Variants in ESYT1 observed in about 807,000 individuals in gnomAD.
The protein encoded by ESYT1 is extended synaptotagmin-1.
Under a neutral mutation model 154.2 loss-of-function variants are expected in ESYT1, and 116 were observed. The observed-to-expected ratio is 0.75, with a 90% CI of 0.65 to 0.88. The LOEUF (loss-of-function observed/expected upper bound fraction) is 0.88, where lower values mean the gene tolerates loss of function less well. ESYT1 is among the 40% of genes least tolerant of loss of function. The pLI, the probability that ESYT1 is intolerant of heterozygous loss-of-function variation, is 0.00. For synonymous variants in ESYT1, 500 were observed against 539.9 expected (o/e 0.93, Z 1.02); for missense variants, 1,264 against 1,379.3 (o/e 0.92, Z 1.32).
chr12:56,137,990 C>T (rs1024836792), intron 19 of ESYT1, 36 bp from the exon 20 acceptor site: 6 of 1,613,782 alleles, frequency 3.7e-6, no homozygotes, highest in South Asian at 1.1e-5. Flanking sequence ...TTGGTTCTCA[C>T]CATCTAGCTT....
At chr12:56,136,590 CAAAA>C (rs944160332) in intron 15 of ESYT1, among the ~76,000 whole-genome samples, 150 bp from the exon 16 acceptor site, 1 of 58,208 alleles carries the variant, frequency 1.7e-5, no homozygotes, top group African/African-American at 6.1e-5. Context: ...GACTCTGTCT[CAAAA>C]AAAAAAAAAA....
Position 56,137,920 on chromosome 12 carries a change from A to T in ESYT1, c.2198+6A>T, listed in dbSNP as rs1870530088. ...AAGGATGATTTTCTGGGCAGGTGAG[A>T]GCATAGGAGTCTACGTGAAAAACAG... On this transcript the variant is annotated splice_donor_region_variant and intron_variant, in intron 19 of 30. Coordinates refer to ENST00000394048, the MANE Select transcript of ESYT1 (RefSeq NM_015292.3). The T allele has an allele frequency of 1.2e-6, 2 of 1,614,148 alleles. No homozygotes were observed. Among genetic ancestry groups the T allele is most frequent in the Non-Finnish European group, 1.7e-6 (2 of 1,180,002 alleles).
intron 1 of ESYT1, chr12:56,130,226 T>G: frequency 2.7e-6 from 1 of 368,286 alleles, no homozygotes; most frequent in South Asian, 3.1e-5. Context: ...CCAGGACTTT[T>G]TAAATCCCAG....
chr12:56,132,366 C>T, intron 8 of ESYT1, 34 bp downstream of exon 8: 1 of 1,614,098 alleles, frequency 6.2e-7, no homozygotes, highest in South Asian at 1.1e-5. Context: ...AGATCCTTCT[C>T]TCAGGAACCC....
chr12:56,144,051 A>G lies in ESYT1; in HGVS notation c.*189A>G. On this transcript the variant is annotated 3_prime_UTR_variant, in exon 31 of 31. Coordinates refer to ENST00000394048, the MANE Select transcript of ESYT1 (RefSeq NM_015292.3). ...AAGAACCGTATGTTCCCTTTACTGC[A>G]CGGCCTTTATCCTTCTGGGCCCCTG... 6.9e-7 allele frequency: 1 copy of G among 1,448,486 alleles called. No homozygotes were observed. The highest frequency in any genetic ancestry group is 1.4e-5 in the South Asian group (1 of 69,714). The allele number at this position is 1,448,486 out of a possible 1,614,324, so 89.7% of individuals were successfully genotyped here. A position where few individuals can be genotyped will look rare whatever the true frequency, so the allele number is the denominator to read the frequency against.
intron 24 of ESYT1, 80 bp downstream of exon 24, chr12:56,139,093 A>C: frequency 6.8e-6 from 7 of 1,026,726 alleles, no homozygotes; most frequent in Non-Finnish European, 1.1e-5. Flanking sequence ...GCATTCAGAG[A>C]TGAGATAAAA....
Position 56,138,948 on chromosome 12 carries a change from CCT to C in ESYT1, c.2528_2529del (p.Pro843ArgfsTer4), listed in dbSNP as rs1870578924. On this transcript the variant is annotated frameshift_variant, in exon 24 of 31. Transcript: ENST00000394048. LOFTEE classifies it high-confidence loss of function. Reference sequence around the variant, plus strand: ...CCAGACTATTTCGCAAACTTCAGCCCCTGTCTGGGATGAGAGTGCCTCCTTTC... The same window carrying C: ...CCAGACTATTTCGCAAACTTCAGCCCGTCTGGGATGAGAGTGCCTCCTTTC... ...KTKTISQTSA[P>X]VWDESASFLI... is the part of the protein sequence containing the mutation. 3.7e-6 allele frequency: 6 copies of C among 1,614,000 alleles called. No homozygotes were observed. The highest frequency in any genetic ancestry group is 1.1e-5 in the South Asian group (1 of 91,080).
intron 15 of ESYT1, among the ~76,000 whole-genome samples, chr12:56,135,177 T>TC (rs1244941137): frequency 1.3e-5 from 2 of 148,418 alleles, no homozygotes; most frequent in Admixed American, 6.7e-5. Context: ...CATTCAGCAT[T>TC]TTTTTTTTTT....
intron 24 of ESYT1, among the ~76,000 whole-genome samples, chr12:56,139,269 T>C (rs1457165901): frequency 2.0e-5 from 3 of 151,676 alleles, no homozygotes; most frequent in African/African-American, 7.3e-5. Context: ...CCACCACACC[T>C]GGCTAATTTT....
Position 56,132,267 on chromosome 12 carries a change from C to A in ESYT1, c.919C>A (p.Arg307=), listed in dbSNP as rs371175693. Residue 307 remains arginine, a synonymous_variant, in exon 8 of 31, where the codon CGA becomes AGA. Transcript: ENST00000394048. Reference sequence around the variant, plus strand: ...TGCTGCCTTCCTCGTGTTGCCCAACCGATTACTGGTGCCCCTTGTGCCTGA... The same window carrying A: ...TGCTGCCTTCCTCGTGTTGCCCAACAGATTACTGGTGCCCCTTGTGCCTGA... The part of the protein sequence containing the change: ...SIAAFLVLPN[R]LLVPLVPDLQ... 12 of 1,613,996 alleles carry A rather than the reference C, an allele frequency of 7.4e-6. No individual in the cohort carries two copies. The highest frequency in any genetic ancestry group is 1.0e-5 in the Non-Finnish European group (12 of 1,180,046).
chr12:56,141,084 T>C (rs1406104982), intron 24 of ESYT1, among the ~76,000 whole-genome samples: 1 of 152,152 alleles, frequency 6.6e-6, no homozygotes, highest in African/African-American at 2.4e-5. Context: ...CAACCACTCA[T>C]AAGTGTAGTC....
intron 24 of ESYT1, among the ~76,000 whole-genome samples, chr12:56,141,463 G>A (rs1056538583): frequency 6.6e-6 from 1 of 152,220 alleles, no homozygotes; most frequent in African/African-American, 2.4e-5. Flanking sequence ...AAGCTAGGTT[G>A]GGCGCGGTGG....
At chr12:56,139,340 G>C (rs1870596033) in intron 24 of ESYT1, among the ~76,000 whole-genome samples, 1 of 152,000 alleles carries the variant, frequency 6.6e-6, no homozygotes, top group Non-Finnish European at 1.5e-5. Flanking sequence ...TCGAACTCCT[G>C]ACCTCAGGTG....
At chr12:56,131,972 G>C (rs1870253431) in intron 7 of ESYT1, among the ~76,000 whole-genome samples, 168 bp downstream of exon 7, 1 of 152,154 alleles carries the variant, frequency 6.6e-6, no homozygotes. Flanking sequence ...TTTTCTTTGG[G>C]TTGGGGGAGC....
intron 22 of ESYT1, 35 bp downstream of exon 22, chr12:56,138,534 G>C: frequency 6.4e-7 from 1 of 1,558,846 alleles, no homozygotes; most frequent in Non-Finnish European, 8.7e-7. Flanking sequence ...ATAACTTCCT[G>C]GCCCTTCTTC....
Position 56,138,279 on chromosome 12 carries a change from C to T in ESYT1, c.2337+7C>T, listed in dbSNP as rs369311850. On this transcript the variant is annotated splice_region_variant and intron_variant, in intron 21 of 30. Coordinates refer to ENST00000394048, the MANE Select transcript of ESYT1 (RefSeq NM_015292.3). ...TGCTGCTGAGTTAGAGGAGGTAGGG[C>T]AGGAGACTTGAGGAAGGAAGGGACC... 5.8e-5 allele frequency: 94 copies of T among 1,614,128 alleles called. No homozygotes were observed. In the African/African-American group the frequency reaches 1.0e-3, roughly 17 times the overall value.
In ESYT1 at chr12:56,144,035, A is replaced by C; in HGVS notation, c.*173A>C. ...TTGCCTGACCAAAGAGAAGAACCGT[A>C]TGTTCCCTTTACTGCACGGCCTTTA... On this transcript the variant is annotated 3_prime_UTR_variant, in exon 31 of 31. Coordinates refer to ENST00000394048, the MANE Select transcript of ESYT1 (RefSeq NM_015292.3). The C allele has an allele frequency of 2.0e-6, 3 of 1,472,078 alleles. No individual in the cohort carries two copies. The highest frequency in any genetic ancestry group is 2.7e-6 in the Non-Finnish European group (3 of 1,116,940). 91.2% of individuals were successfully genotyped at this position (1,472,078 alleles called of 1,614,324 possible). A position where few individuals can be genotyped will look rare whatever the true frequency, so the allele number is the denominator to read the frequency against.
rs1275453103 is a variant in ESYT1, at chr12:56,142,751, A to T, written c.2888+19A>T. ...TTGACAGGTAAAGGGCTGGGACAGG[A>T]AGGTGGGACGCAGTCAGAAATAAAA... On this transcript the variant is annotated intron_variant, in intron 26 of 30. Transcript: ENST00000394048. This position sits in a 1 kb window ranked among gnomAD's most constrained non-coding sequence, Gnocchi z 4.1. 1 of 1,613,534 alleles carries T rather than the reference A, an allele frequency of 6.2e-7. No homozygotes were observed. Among genetic ancestry groups the T allele is most frequent in the South Asian group, 1.1e-5 (1 of 91,076 alleles).
Position 56,142,180 on chromosome 12 carries a change from C to A in ESYT1, c.2593-105C>A. 1 of 1,359,634 alleles carries A rather than the reference C, an allele frequency of 7.4e-7. No individual in the cohort carries two copies. Among genetic ancestry groups the A allele is most frequent in the Non-Finnish European group, 1.0e-6 (1 of 992,918 alleles). 84.2% of individuals were successfully genotyped at this position (1,359,634 alleles called of 1,614,324 possible). ...TTCCCTGCCTTTCTCAAAGGGAAAT[C>A]TCACCAAACCACCTATGAGTCCAAG... is the stretch of plus-strand genomic sequence containing the variant. On this transcript the variant is annotated intron_variant, in intron 24 of 30. Coordinates refer to ENST00000394048, the MANE Select transcript of ESYT1 (RefSeq NM_015292.3). This position sits in a 1 kb window ranked among gnomAD's most constrained non-coding sequence, Gnocchi z 4.1.
Sources: allele counts gnomAD v4.1 joint callset (sites outside exome capture counted in the v4.1 genomes callset), GRCh38; gene constraint gnomAD v4.1.1; non-coding constraint Gnocchi (gnomAD v3.1); transcripts MANE v1.5; gene names NCBI Gene and HGNC (gene_info 2026-07-23, HGNC 2026-07-21).